WARS2: variants seen among roughly 807,000 people sequenced by gnomAD.
WARS2 encodes the protein tryptophanyl tRNA synthetase 2, mitochondrial.
WARS2 carries 28 observed loss-of-function variants against 36.5 expected under a neutral mutation model. The ratio of observed to expected loss-of-function variants is 0.77; its 90% CI spans 0.57 to 1.05. The LOEUF is 1.05. Ranked by LOEUF, WARS2 falls within the 50% of genes least tolerant of loss-of-function variation. The pLI, the probability that WARS2 is intolerant of heterozygous loss-of-function variation, is 0.00. For synonymous variants in WARS2, 174 were observed against 178.4 expected (o/e 0.98, Z 0.20); for missense variants, 435 against 456.8 (o/e 0.95, Z 0.44).
intron 1 of WARS2, among the ~76,000 whole-genome samples, chr1:119,107,879 T>C (rs1654355204): frequency 6.6e-6 from 1 of 152,106 alleles, no homozygotes; most frequent in African/African-American, 2.4e-5. Context: ...TGAGAGTTTT[T>C]ATCATGAATG....
intron 2 of WARS2, among the ~76,000 whole-genome samples, chr1:119,061,369 C>T (rs533591894): frequency 6.6e-6 from 1 of 151,694 alleles, no homozygotes; most frequent in African/African-American, 2.4e-5. Flanking sequence ...ATTTTTTAAA[C>T]CAATAAAAAA....
chr1:119,056,389 C>G (rs1193316425), intron 2 of WARS2, among the ~76,000 whole-genome samples: 1 of 151,108 alleles, frequency 6.6e-6, no homozygotes, highest in Non-Finnish European at 1.5e-5. Context: ...CTACACTACA[C>G]AATTCCATGG....
intron 2 of WARS2, among the ~76,000 whole-genome samples, chr1:119,049,437 T>G (rs1006480520): frequency 2.6e-5 from 4 of 152,234 alleles, no homozygotes; most frequent in African/African-American, 9.6e-5. Flanking sequence ...CTATTGTTTT[T>G]TATACCCACT....
chr1:119,105,569 G>A (rs1169667114), intron 1 of WARS2, among the ~76,000 whole-genome samples: 1 of 152,092 alleles, frequency 6.6e-6, no homozygotes, highest in Admixed American at 6.6e-5. Flanking sequence ...AGCCAGGGAG[G>A]TAGGAGTAAA....
intron 1 of WARS2, chr1:119,139,837 TCCCCTC>T (rs1355675159): frequency 3.3e-5 from 5 of 152,142 alleles, no homozygotes; most frequent in African/African-American, 1.2e-4. Flanking sequence ...TGAAAGGGTA[TCCCCTC>T]CCCCTGACTT....
intron 1 of WARS2, chr1:119,126,484 T>A: frequency 2.2e-6 from 1 of 449,188 alleles, no homozygotes; most frequent in Non-Finnish European, 4.1e-6. Context: ...ATACTATTTT[T>A]TTTTTTTTTT....
intron 2 of WARS2, among the ~76,000 whole-genome samples, chr1:119,052,570 T>C (rs557105420): frequency 1.4e-4 from 22 of 152,366 alleles, no homozygotes; most frequent in African/African-American, 5.3e-4. Flanking sequence ...GAGTTCTCTA[T>C]ACTTTTTCTT....
At chr1:119,112,498 A>G (rs1654711209) in intron 1 of WARS2, among the ~76,000 whole-genome samples, 1 of 152,222 alleles carries the variant, frequency 6.6e-6, no homozygotes, top group Non-Finnish European at 1.5e-5. Flanking sequence ...GTCAGCAGAG[A>G]GTAAATGCAG....
At chr1:119,034,639 C>G (rs1333524986) in intron 4 of WARS2, among the ~76,000 whole-genome samples, 1 of 152,190 alleles carries the variant, frequency 6.6e-6, no homozygotes, top group African/African-American at 2.4e-5. Flanking sequence ...CCCCACTCTT[C>G]AAATCAAAGG....
intron 2 of WARS2, among the ~76,000 whole-genome samples, chr1:119,051,917 G>T (rs113693328): frequency 6.6e-6 from 1 of 151,304 alleles, no homozygotes; most frequent in Non-Finnish European, 1.5e-5. Context: ...TGCAACTACC[G>T]CCCGGCTAAT....
At chr1:119,058,324 T>A (rs1224788803) in intron 2 of WARS2, among the ~76,000 whole-genome samples, 1 of 104,004 alleles carries the variant, frequency 9.6e-6, no homozygotes, top group African/African-American at 4.4e-5. Context: ...TTTTTTTTTA[T>A]ACTTTAAGTT....
chr1:119,067,487 A>G (rs934534890), intron 2 of WARS2, among the ~76,000 whole-genome samples: 39 of 152,234 alleles, frequency 2.6e-4, no homozygotes, highest in Admixed American at 2.6e-3. Context: ...AAAAAACCTT[A>G]GACAACAAAC....
At chr1:119,118,865 TCAGA>T (rs1242415351) in intron 1 of WARS2, among the ~76,000 whole-genome samples, 1 of 152,162 alleles carries the variant, frequency 6.6e-6, no homozygotes, top group African/African-American at 2.4e-5. Flanking sequence ...AAAGCCATTT[TCAGA>T]CAAACAACTG....
At chr1:119,044,340 T>C (rs1439117481) in intron 3 of WARS2, among the ~76,000 whole-genome samples, 1 of 152,248 alleles carries the variant, frequency 6.6e-6, no homozygotes, top group Non-Finnish European at 1.5e-5. Flanking sequence ...GAATAGTTCC[T>C]ATTAGATTAG....
chr1:119,112,079 T>C (rs925747657), intron 1 of WARS2, among the ~76,000 whole-genome samples: 42 of 152,194 alleles, frequency 2.8e-4, no homozygotes, highest in Non-Finnish European at 4.7e-4. Flanking sequence ...TGCACCACCA[T>C]GCCTGGCTAA....
chr1:119,081,046 T>G (rs1652154961), intron 1 of WARS2, among the ~76,000 whole-genome samples: 1 of 152,200 alleles, frequency 6.6e-6, no homozygotes, highest in East Asian at 1.9e-4. Flanking sequence ...CTCATTTTTA[T>G]AACAGAACCA....
chr1:119,098,075 C>G (rs990005565), intron 1 of WARS2, among the ~76,000 whole-genome samples: 2 of 151,954 alleles, frequency 1.3e-5, no homozygotes, highest in Non-Finnish European at 2.9e-5. Flanking sequence ...ATGGTGAAAC[C>G]CCGTCTCTAC....
intron 1 of WARS2, among the ~76,000 whole-genome samples, chr1:119,100,134 G>A (rs1434354511): frequency 6.6e-6 from 1 of 152,144 alleles, no homozygotes; most frequent in East Asian, 1.9e-4. Context: ...CCATTAAAAA[G>A]TAGGGAAAGG....
intron 1 of WARS2, among the ~76,000 whole-genome samples, chr1:119,086,685 T>C (rs1330961610): frequency 1.3e-5 from 2 of 152,176 alleles, no homozygotes; most frequent in African/African-American, 2.4e-5. Flanking sequence ...CCTCAGGGTA[T>C]TGGGGAATAT....
Sources: allele counts gnomAD v4.1 joint callset (sites outside exome capture counted in the v4.1 genomes callset), GRCh38; gene constraint gnomAD v4.1.1; transcripts MANE v1.5; gene names NCBI Gene and HGNC (gene_info 2026-07-23, HGNC 2026-07-21).